CCHCR1: variants seen among roughly 807,000 people sequenced by gnomAD.
CCHCR1 encodes HCR (a-helix coiled-coil rod homologue).
CCHCR1 carries 91 observed loss-of-function variants against 114.6 expected under a neutral mutation model. That is an observed-to-expected ratio of 0.79 (90% CI 0.67 to 0.94). The LOEUF (loss-of-function observed/expected upper bound fraction) is 0.94. Ranked by LOEUF, CCHCR1 falls within the 40% of genes least tolerant of loss-of-function variation. The pLI is 0.00. For missense variants in CCHCR1, 899 were observed against 1,079.9 expected, an observed-to-expected ratio of 0.83 and a Z score of 2.35; for synonymous variants, 379 against 428.5, an observed-to-expected ratio of 0.88 and a Z score of 1.43.
Position 31,145,060 on chromosome 6 carries a change from C to T in CCHCR1, c.1890G>A (p.Arg630=), listed in dbSNP as rs1428738099. 25 of 1,600,536 alleles carry T rather than the reference C, an allele frequency of 1.6e-5. No homozygotes were observed. The highest frequency in any genetic ancestry group is 2.1e-5 in the Non-Finnish European group (25 of 1,177,182). ...GCTGGGCCACCTTGCTCAGCTGCTG[C>T]CGCTCTGCCTCCCCTAAAAGGAGGG... ...GRAREQGEAE[R]QQLSKVAQQL... is the part of the protein sequence containing the mutation. The change falls in exon 14 of 18, where the codon CGG becomes CGA. Residue 630 remains arginine (R), a synonymous_variant. Coordinates refer to ENST00000396268, the MANE Select transcript of CCHCR1 (RefSeq NM_001105564.2).
At position 31,157,800 on chromosome 6, in the gene CCHCR1, T is replaced by TCCTCCCAC. The variant is rs1351391205; in HGVS notation, c.-201_-200insGTGGGAGG. 1.2e-5 allele frequency: 7 copies of TCCTCCCAC among 593,234 alleles called. No homozygotes were observed. The highest frequency in any genetic ancestry group is 2.1e-5 in the South Asian group (1 of 48,650). 36.7% of individuals were successfully genotyped at this position (593,234 alleles called of 1,614,324 possible). ...ACACATAGTGGGCACTTTAAGATCTTCCTCCCACCCTCCCACCCTCATTAA... is the reference window on the plus strand; with the variant it reads ...ACACATAGTGGGCACTTTAAGATCTTCCTCCCACCCTCCCACCCTCCCACCCTCATTAA... On this transcript the variant is annotated 5_prime_UTR_variant, in exon 1 of 18. Coordinates refer to ENST00000396268, the MANE Select transcript of CCHCR1 (RefSeq NM_001105564.2).
Position 31,148,489 on chromosome 6 carries a change from C to A in CCHCR1, c.1496G>T (p.Arg499Leu). 2 of 1,612,632 alleles carry A rather than the reference C, an allele frequency of 1.2e-6. No homozygotes were observed. Among genetic ancestry groups the A allele is most frequent in the Non-Finnish European group, 1.7e-6 (2 of 1,179,654 alleles). ...GAKGLQLELSRAQEARRRWQQ... is the reference protein window; with the variant it reads ...GAKGLQLELSLAQEARRRWQQ... Reference sequence around the variant, plus strand: ...CCACCGACGCCTGGCCTCCTGAGCACGGCTCAGCTCCAACTGCAGGCCCTG... The same window carrying A: ...CCACCGACGCCTGGCCTCCTGAGCAAGGCTCAGCTCCAACTGCAGGCCCTG... The change falls in exon 10 of 18, where the codon CGT (arginine) becomes CTT (leucine). Residue 499 changes from arginine to leucine, a missense_variant. Coordinates refer to ENST00000396268, the MANE Select transcript of CCHCR1 (RefSeq NM_001105564.2).
chr6:31,153,035 G>C (rs1775473260), intron 4 of CCHCR1, among the ~76,000 whole-genome samples: 1 of 152,096 alleles, frequency 6.6e-6, no homozygotes, highest in Non-Finnish European at 1.5e-5. Flanking sequence ...GCCCAGGCTG[G>C]AGTGTGATGT....
chr6:31,148,469 G>A lies in CCHCR1; in HGVS notation c.1516C>T (p.Arg506Trp), dbSNP rs130068. The A allele has an allele frequency of 0.44, 713,720 of 1,611,098 alleles. 160,187 individuals are homozygous for A. The highest frequency in any genetic ancestry group is 0.55 in the Middle Eastern group (3,306 of 6,056). Residue 506 changes from arginine to tryptophan, a missense_variant, in exon 10 of 18, where the codon CGG becomes TGG. Physicochemically the swap from Arg to Trp is moderately radical, Grantham distance 101. Transcript: ENST00000396268. Reference protein sequence around the residue: ...ELSRAQEARRRWQQQTASAEE... With the variant: ...ELSRAQEARRWWQQQTASAEE... ...GCTGAGGCTGTCTGCTGCTGCCACC[G>A]ACGCCTGGCCTCCTGAGCACGGCTC... is the stretch of plus-strand genomic sequence containing the variant.
At chr6:31,155,048 T>C (rs1775791102) in intron 3 of CCHCR1, among the ~76,000 whole-genome samples, 1 of 152,204 alleles carries the variant, frequency 6.6e-6, no homozygotes. Context: ...TCGTGGAACA[T>C]GATCTCCCTA....
chr6:31,154,476 C>T lies in CCHCR1; in HGVS notation c.801+20G>A, dbSNP rs752900176. On this transcript the variant is annotated intron_variant, in intron 4 of 17. Coordinates refer to ENST00000396268, the MANE Select transcript of CCHCR1 (RefSeq NM_001105564.2). The surrounding 1 kb of genome is among the most constrained non-coding windows in gnomAD (Gnocchi z 4.1). The stretch of plus-strand genomic sequence containing the variant: ...CAGCTCTCCGTTATGAATTTGAATC[C>T]TTTCTACCCCTGCATTCACCTGCTC... The T allele has an allele frequency of 3.1e-6, 5 of 1,592,584 alleles. No individual in the cohort carries two copies. The highest frequency in any genetic ancestry group is 3.4e-6 in the Non-Finnish European group (4 of 1,163,636).
chr6:31,154,370 C>G lies in CCHCR1; in HGVS notation c.801+126G>C, dbSNP rs550016247. 5.0e-5 allele frequency: 36 copies of G among 723,200 alleles called. No individual in the cohort carries two copies. In the East Asian group the frequency reaches 8.6e-4, roughly 17 times the overall value. The allele number at this position is 723,200 out of a possible 1,614,324, so 44.8% of individuals were successfully genotyped here. On this transcript the variant is annotated intron_variant, in intron 4 of 17. Transcript: ENST00000396268. The surrounding 1 kb of genome is among the most constrained non-coding windows in gnomAD (Gnocchi z 4.1). ...CTAGGCCATGTGTGTTTATTTTCAC[C>G]AAAGGTCTCATCACTCTACTACTCA...
intron 8 of CCHCR1, among the ~76,000 whole-genome samples, chr6:31,149,850 A>G (rs1389231483): frequency 6.6e-6 from 1 of 152,164 alleles, no homozygotes; most frequent in Admixed American, 6.5e-5. Context: ...CCTGGCTTCA[A>G]TCTTTCTATC....
At position 31,151,388 on chromosome 6, in the gene CCHCR1, G is replaced by T. The variant is rs1172915150; in HGVS notation, c.802-266C>A. ...CCTCATCTTTTGCCTGGGCAACAGC[G>T]ACCATCTCCTAACTAGTCTTTACAA... On this transcript the variant is annotated intron_variant, in intron 4 of 17. Coordinates refer to ENST00000396268, the MANE Select transcript of CCHCR1 (RefSeq NM_001105564.2). This position sits in a 1 kb window ranked among gnomAD's most constrained non-coding sequence, Gnocchi z 4.1. Among the ~76,000 whole-genome samples the T allele has an allele frequency of 1.3e-5, 2 of 152,118 alleles. No individual in the cohort carries two copies. The highest frequency in any genetic ancestry group is 2.4e-5 in the African/African-American group (1 of 41,420).
At chr6:31,152,387 G>A (rs1208775671) in intron 4 of CCHCR1, among the ~76,000 whole-genome samples, 1 of 151,372 alleles carries the variant, frequency 6.6e-6, no homozygotes, top group Non-Finnish European at 1.5e-5. Flanking sequence ...TGCCTAGACT[G>A]GAGTGCAATG....
In CCHCR1 at chr6:31,151,225, A is replaced by G; in HGVS notation, c.802-103T>C. ...TGTGACCTTAGAGAATGACCCAACCAATCAGCCAACTGTGCACAGCAAATG... is the reference window on the plus strand; with the variant it reads ...TGTGACCTTAGAGAATGACCCAACCGATCAGCCAACTGTGCACAGCAAATG... On this transcript the variant is annotated intron_variant, in intron 4 of 17. Transcript: ENST00000396268. This position sits in a 1 kb window ranked among gnomAD's most constrained non-coding sequence, Gnocchi z 4.1. The G allele has an allele frequency of 7.8e-7, 1 of 1,280,294 alleles. No homozygotes were observed. The highest frequency in any genetic ancestry group is 1.1e-6 in the Non-Finnish European group (1 of 927,990). The allele number at this position is 1,280,294 out of a possible 1,614,324, so 79.3% of individuals were successfully genotyped here.
Position 31,154,918 on chromosome 6 carries a change from A to AG in CCHCR1, c.498-120dup. On this transcript the variant is annotated intron_variant, in intron 3 of 17. Coordinates refer to ENST00000396268, the MANE Select transcript of CCHCR1 (RefSeq NM_001105564.2). The surrounding 1 kb of genome is among the most constrained non-coding windows in gnomAD (Gnocchi z 4.1). Reference sequence around the variant, plus strand: ...CCTCTGCTTCCGTGTGGGGAGGTGAAGGGGGTGCTGAAGCTGGGGTATGGG... The same window carrying AG: ...CCTCTGCTTCCGTGTGGGGAGGTGAAGGGGGGTGCTGAAGCTGGGGTATGGG... 1 of 913,426 alleles carries AG rather than the reference A, an allele frequency of 1.1e-6. No individual in the cohort carries two copies. The highest frequency in any genetic ancestry group is 1.6e-6 in the Non-Finnish European group (1 of 623,046). 56.6% of individuals were successfully genotyped at this position (913,426 alleles called of 1,614,324 possible).
At position 31,142,973 on chromosome 6, in the gene CCHCR1, C is replaced by G; in HGVS notation, c.2481G>C (p.Glu827Asp). Residue 827 changes from glutamate to aspartate, a missense_variant, in exon 17 of 18, where the codon GAG becomes GAC. By Grantham distance (45) the Glu-to-Asp change is conservative. Transcript: ENST00000396268. The stretch of plus-strand genomic sequence containing the variant: ...TGCTTGGCCCAAGACCTTTTATGGA[C>G]TCCCTGGTGGGCACTGCTGCTGCTA... The part of the protein sequence containing the change: ...APVAAAVPTR[E>D]SIKGSLSVLL... 6.2e-7 allele frequency: 1 copy of G among 1,612,444 alleles called. No homozygotes were observed. The highest frequency in any genetic ancestry group is 1.1e-5 in the South Asian group (1 of 91,040).
rs130072 is a variant in CCHCR1 at position 31,144,707 on chromosome 6, C to T, written c.2147G>A (p.Arg716Gln). The T allele has an allele frequency of 0.08, 128,709 of 1,610,764 alleles. 6,066 individuals carry two copies. The highest frequency in any genetic ancestry group is 0.15 in the Admixed American group (8,751 of 59,872). The change falls in exon 15 of 18, where the codon CGG (arginine) becomes CAG (glutamine). Residue 716 changes from arginine (R) to glutamine (Q), a missense_variant. By Grantham distance (43) the Arg-to-Gln change is conservative. Transcript: ENST00000396268. This position sits in a 1 kb window ranked among gnomAD's most constrained non-coding sequence, Gnocchi z 4.6. ...CTCACCGGCCTTGGCATGCTCCCTC[C>T]GAGCCTCGTTCAGCCTCCTCTCTGT... ...SDTERRLNEA[R>Q]REHAKAVVSL...
chr6:31,155,248 G>A (rs1011193836), intron 3 of CCHCR1, among the ~76,000 whole-genome samples: 12 of 152,234 alleles, frequency 7.9e-5, no homozygotes, highest in African/African-American at 2.4e-4. Flanking sequence ...GTTTGAGGGA[G>A]GAATGGGCAT....
Position 31,151,909 on chromosome 6 carries a change from T to A in CCHCR1, c.802-787A>T, listed in dbSNP as rs368334988. 5.4e-4 allele frequency among the ~76,000 whole-genome samples: 82 copies of A among 152,218 alleles called. 2 individuals carry two copies. The East Asian group carries it at 6.8e-3, about 13-fold the overall frequency. The stretch of plus-strand genomic sequence containing the variant: ...TCCTGGTCTGCCTCCTCTAGCCCTG[T>A]CTCCATACAACAATAAAATTAATTT... On this transcript the variant is annotated intron_variant, in intron 4 of 17. Coordinates refer to ENST00000396268, the MANE Select transcript of CCHCR1 (RefSeq NM_001105564.2). This position sits in a 1 kb window ranked among gnomAD's most constrained non-coding sequence, Gnocchi z 4.1.
rs762225280 is a variant in CCHCR1, at chr6:31,145,084, G to T, written c.1877-11C>A. 5.0e-6 allele frequency: 8 copies of T among 1,599,174 alleles called. No individual in the cohort carries two copies. Among genetic ancestry groups the T allele is most frequent in the Non-Finnish European group, 6.8e-6 (8 of 1,175,722 alleles). Reference sequence around the variant, plus strand: ...GCCGCTCTGCCTCCCCTAAAAGGAGGGGGTGCTGGGTCAGGCCTCTCCCAG... The same window carrying T: ...GCCGCTCTGCCTCCCCTAAAAGGAGTGGGTGCTGGGTCAGGCCTCTCCCAG... On this transcript the variant is annotated splice_polypyrimidine_tract_variant and intron_variant, in intron 13 of 17. Coordinates refer to ENST00000396268, the MANE Select transcript of CCHCR1 (RefSeq NM_001105564.2).
Position 31,145,183 on chromosome 6 carries a change from C to A in CCHCR1, c.1859G>T (p.Gly620Val), listed in dbSNP as rs1418700161. Residue 620 changes from glycine to valine, a missense_variant, in exon 13 of 18, where the codon GGC (glycine) becomes GTC (valine). Physicochemically the swap from Gly to Val is moderately radical, Grantham distance 109. Transcript: ENST00000396268. ...AGGTGTACCTTGCTCCCGAGCCCGG[C>A]CCACCTCCTGCTGGATGAGGCGGGC... ...LSARLIQQEV[G>V]RAREQGEAER... 1 of 1,612,900 alleles carries A rather than the reference C, an allele frequency of 6.2e-7. No individual in the cohort carries two copies. Among genetic ancestry groups the A allele is most frequent in the Non-Finnish European group, 8.5e-7 (1 of 1,180,000 alleles).
In CCHCR1 at chr6:31,157,493, A is replaced by G; in HGVS notation, c.108T>C (p.Ala36=). The G allele has an allele frequency of 6.2e-7, 1 of 1,613,054 alleles. No individual in the cohort carries two copies. Among genetic ancestry groups the G allele is most frequent in the South Asian group, 1.1e-5 (1 of 91,078 alleles). Residue 36 remains alanine, a synonymous_variant, in exon 1 of 18, where the codon GCT becomes GCC. Transcript: ENST00000396268. ...ATCTCCAGAGTTCTCTCCATGGCTC[A>G]GCAAGGCCTGAGGGAAGCCCATCCA... is the stretch of plus-strand genomic sequence containing the variant. ...WCLDGLPSGL[A]EPWRELWRWR...
Sources: allele counts gnomAD v4.1 joint callset (sites outside exome capture counted in the v4.1 genomes callset), GRCh38; gene constraint gnomAD v4.1.1; non-coding constraint Gnocchi (gnomAD v3.1); transcripts MANE v1.5; gene names NCBI Gene and HGNC (gene_info 2026-07-23, HGNC 2026-07-21).